The following KLF3 variants were observed in gnomAD, a reference collection of about 807,000 sequenced individuals.
KLF3 encodes the protein KLF transcription factor 3.
KLF3 carries 6 observed loss-of-function variants against 32.7 expected under a neutral mutation model. That is an observed-to-expected ratio of 0.18 (90% confidence interval 0.10 to 0.36). The LOEUF is 0.36. Among genes scored for constraint, KLF3 ranks in the 10% least tolerant of loss-of-function variants. KLF3 has a pLI of 1.00. For missense variants in KLF3, 338 were observed against 449.7 expected (o/e 0.75, Z 2.25); for synonymous variants, 145 against 172.8 (o/e 0.84, Z 1.26).
At chr4:38,683,889 A>G (rs1473491234) in intron 2 of KLF3, among the ~76,000 whole-genome samples, 1 of 152,148 alleles carries the variant, frequency 6.6e-6, no homozygotes, top group East Asian at 1.9e-4. Flanking sequence ...GAAACTTTTC[A>G]TGGCTTTTTC....
rs765180141 is a variant in KLF3 at position 38,688,764 on chromosome 4, C to A, written c.237C>A (p.Pro79=). ...CACCCCCTTCGGCTGGGAATTCGCCCTCCTCTCTGAAGTTCCCGTCCTCAC... is the reference window on the plus strand; with the variant it reads ...CACCCCCTTCGGCTGGGAATTCGCCATCCTCTCTGAAGTTCCCGTCCTCAC... ...RSSPPSAGNS[P]SSLKFPSSHR... The change falls in exon 3 of 6, where the codon CCC becomes CCA. Residue 79 remains proline, a synonymous_variant. Coordinates refer to ENST00000261438, the MANE Select transcript of KLF3 (RefSeq NM_016531.6). The surrounding 1 kb of genome is among the most constrained non-coding windows in gnomAD (Gnocchi z 4.9). The A allele has an allele frequency of 5.0e-6, 8 of 1,614,226 alleles. 1 individual carries two copies. The Admixed American group carries it at 1.3e-4, about 27-fold the overall frequency.
chr4:38,688,595 C>A lies in KLF3; in HGVS notation c.68C>A (p.Ser23Tyr). ...AMDPVSVSYP[S>Y]NYMESMKPNK... ...TTTCTTTTCTAATAGTCATACCCAT[C>A]TAATTACATGGAATCCATGAAGCCT... The change falls in exon 3 of 6, where the codon TCT (serine) becomes TAT (tyrosine). Residue 23 changes from serine to tyrosine, a missense_variant. By Grantham distance (144) the Ser-to-Tyr change is moderately radical. Transcript: ENST00000261438. The surrounding 1 kb of genome is among the most constrained non-coding windows in gnomAD (Gnocchi z 4.9). The A allele has an allele frequency of 6.2e-7, 1 of 1,601,158 alleles. No individual in the cohort carries two copies.
At chr4:38,668,711 A>G (rs1333808593) in intron 1 of KLF3, among the ~76,000 whole-genome samples, 2 of 152,196 alleles carry the variant, frequency 1.3e-5, no homozygotes, top group East Asian at 1.9e-4. Flanking sequence ...TTTGGTTCCA[A>G]AGTTGTTAAC....
chr4:38,692,029 G>C (rs1352793353), intron 4 of KLF3, among the ~76,000 whole-genome samples: 2 of 152,078 alleles, frequency 1.3e-5, no homozygotes, highest in Non-Finnish European at 2.9e-5. Context: ...GGCACTCAAA[G>C]GTACATCAAA....
At position 38,688,805 on chromosome 4, in the gene KLF3, C is replaced by T; in HGVS notation, c.278C>T (p.Pro93Leu). ...KFPSSHRRAS[P>L]GLSMPSSSPP... is the part of the protein sequence containing the mutation. The stretch of plus-strand genomic sequence containing the variant: ...CCGTCCTCACACCGGAGAGCCTCGC[C>T]TGGGTTGAGCATGCCTTCTTCCAGC... Residue 93 changes from proline (P) to leucine (L), a missense_variant, in exon 3 of 6, where the codon CCT becomes CTT. By Grantham distance (98) the Pro-to-Leu change is moderately conservative (BLOSUM62 -3). Transcript: ENST00000261438. The surrounding 1 kb of genome is among the most constrained non-coding windows in gnomAD (Gnocchi z 4.9). 3 of 1,614,246 alleles carry T rather than the reference C, an allele frequency of 1.9e-6. No homozygotes were observed. The highest frequency in any genetic ancestry group is 2.5e-6 in the Non-Finnish European group (3 of 1,180,048).
intron 1 of KLF3, among the ~76,000 whole-genome samples, chr4:38,677,293 C>G (rs1560415108): frequency 2.0e-5 from 3 of 152,130 alleles, no homozygotes; most frequent in East Asian, 1.9e-4. Flanking sequence ...CTATGTTTCT[C>G]TTAGGATTAC....
At chr4:38,664,590 T>TG (rs35339888) in intron 1 of KLF3, 129 bp downstream of exon 1, 7,846 of 141,328 alleles carry the variant, frequency 0.056, 254 homozygotes, top group South Asian at 0.16. Context: ...GCGCTGGTGT[T>TG]GGGGGGGGCG....
At chr4:38,666,436 A>C (rs1722045008) in intron 1 of KLF3, among the ~76,000 whole-genome samples, 1 of 150,770 alleles carries the variant, frequency 6.6e-6, no homozygotes, top group Non-Finnish European at 1.5e-5. Context: ...CCACATTCTT[A>C]AATCTCTGAT....
At chr4:38,667,652 G>A (rs1418229332) in intron 1 of KLF3, among the ~76,000 whole-genome samples, 1 of 152,238 alleles carries the variant, frequency 6.6e-6, no homozygotes, top group East Asian at 1.9e-4. Flanking sequence ...TGTTGAAGTG[G>A]TTAGGGCGTT....
intron 3 of KLF3, 145 bp downstream of exon 3, chr4:38,689,216 G>A (rs570042590): frequency 2.1e-5 from 21 of 1,023,872 alleles, no homozygotes; most frequent in Admixed American, 1.1e-4. Context: ...TCCTTCCCCC[G>A]CCCCCCCAAA....
chr4:38,670,433 T>C (rs764838549), intron 1 of KLF3, among the ~76,000 whole-genome samples: 1 of 152,188 alleles, frequency 6.6e-6, no homozygotes, highest in Non-Finnish European at 1.5e-5. Context: ...AGTATTGAGG[T>C]CAGCGGATTC....
chr4:38,691,374 C>CT (rs1377011244), intron 4 of KLF3, among the ~76,000 whole-genome samples: 2 of 152,044 alleles, frequency 1.3e-5, no homozygotes, highest in Non-Finnish European at 2.9e-5. Flanking sequence ...GGAATTAACT[C>CT]TTTTTTTATG....
chr4:38,680,483 G>C (rs921963333), intron 1 of KLF3, 104 bp from the exon 2 acceptor site: 3 of 581,832 alleles, frequency 5.2e-6, no homozygotes, highest in Non-Finnish European at 9.7e-6. Flanking sequence ...CAAAGTGCTG[G>C]GATTACAGGG....
At chr4:38,670,005 A>G (rs528781101) in intron 1 of KLF3, among the ~76,000 whole-genome samples, 1 of 148,770 alleles carries the variant, frequency 6.7e-6, no homozygotes, top group East Asian at 2.0e-4. Context: ...TAAAAAAATG[A>G]TCTGTGCATT....
chr4:38,697,581 T>C lies in KLF3; in HGVS notation c.*318T>C. The stretch of plus-strand genomic sequence containing the variant: ...ACATGTAAACTAACATAACCAATTG[T>C]CAGTTCTCCATGTATTCCTCAAAAG... On this transcript the variant is annotated 3_prime_UTR_variant, in exon 6 of 6. Coordinates refer to ENST00000261438, the MANE Select transcript of KLF3 (RefSeq NM_016531.6). 4.1e-6 allele frequency: 1 copy of C among 244,364 alleles called. No homozygotes were observed. Among genetic ancestry groups the C allele is most frequent in the Non-Finnish European group, 7.9e-6 (1 of 127,188 alleles). 15.1% of individuals were successfully genotyped at this position (244,364 alleles called of 1,614,324 possible). A position where few individuals can be genotyped will look rare whatever the true frequency, so the allele number is the denominator to read the frequency against.
rs959422862 is a variant in KLF3, at chr4:38,700,315, T to C, written c.*3052T>C. The C allele has an allele frequency of 1.3e-5, 2 of 152,214 alleles. No individual in the cohort carries two copies. Among genetic ancestry groups the C allele is most frequent in the African/African-American group, 4.8e-5 (2 of 41,450 alleles). 9.4% of individuals were successfully genotyped at this position (152,214 alleles called of 1,614,324 possible). On this transcript the variant is annotated 3_prime_UTR_variant, in exon 6 of 6. Coordinates refer to ENST00000261438, the MANE Select transcript of KLF3 (RefSeq NM_016531.6). ...ATCTGCACTATCAGTATTGCACTAA[T>C]GTGGAATTTGAAAGACTATTTTGCT...
intron 1 of KLF3, among the ~76,000 whole-genome samples, chr4:38,668,033 T>G (rs1183111156): frequency 2.0e-5 from 3 of 152,198 alleles, no homozygotes; most frequent in African/African-American, 7.2e-5. Context: ...TTTTTAAGAA[T>G]TAAAAAGCTC....
chr4:38,665,411 A>AT (rs1164494215), intron 1 of KLF3, among the ~76,000 whole-genome samples: 8 of 152,086 alleles, frequency 5.3e-5, no homozygotes, highest in Admixed American at 1.3e-4. Flanking sequence ...TGTCATATTC[A>AT]TTTTTTTGGG....
rs1202867157 is a variant in KLF3, at chr4:38,700,229, G to C, written c.*2966G>C. ...GATGCTAAATACACAGAAGTTTCAA[G>C]AGCCTTGGAACAGAATTACAGGGGA... On this transcript the variant is annotated 3_prime_UTR_variant, in exon 6 of 6. Transcript: ENST00000261438. 7.2e-5 allele frequency: 11 copies of C among 152,216 alleles called. No individual in the cohort carries two copies. The highest frequency in any genetic ancestry group is 1.6e-4 in the Non-Finnish European group (11 of 68,038). The allele number at this position is 152,216 out of a possible 1,614,324, so 9.4% of individuals were successfully genotyped here. A position where few individuals can be genotyped will look rare whatever the true frequency, so the allele number is the denominator to read the frequency against.
Sources: gnomAD v4.1 joint callset for allele counts (sites outside exome capture counted in the v4.1 genomes callset) on GRCh38, gnomAD v4.1.1 for gene constraint, Gnocchi (gnomAD v3.1) non-coding constraint, MANE v1.5 for transcripts, NCBI Gene and HGNC (gene_info 2026-07-23, HGNC 2026-07-21) for gene names.